Variants in HEPH observed in about 807,000 individuals in gnomAD.
HEPH encodes hephaestin.
In HEPH, 69 loss-of-function variants were observed where a neutral mutation model predicts 80.8. The ratio of observed to expected loss-of-function variants is 0.85; its 90% CI spans 0.70 to 1.04. The LOEUF is 1.04. HEPH is among the 50% of genes least tolerant of loss of function. The probability of loss-of-function intolerance (pLI) is 0.00; values close to 1 mark genes in which losing one functional copy is unlikely to be tolerated. For missense variants in HEPH, 1,115 were observed against 891.3 expected, an observed-to-expected ratio of 1.25 and a Z score of -3.20; for synonymous variants, 431 against 322.8, an observed-to-expected ratio of 1.34 and a Z score of -3.60.
chrX:66,163,367 T>G (rs1199346268), upstream of HEPH, among the ~76,000 whole-genome samples: 4 of 106,624 alleles, frequency 3.8e-5, no homozygotes, highest in East Asian at 2.9e-4. Flanking sequence ...GAACATTTTG[T>G]TTTTTTTTTC....
intron 15 of HEPH, among the ~76,000 whole-genome samples, chrX:66,215,132 T>G (rs972642480): frequency 9.8e-5 from 11 of 111,782 alleles, no homozygotes; most frequent in Non-Finnish European, 1.5e-4. Flanking sequence ...ACTTTATAGT[T>G]TTGTAAAAAT....
chrX:66,220,333 G>A (rs996149092), intron 15 of HEPH, among the ~76,000 whole-genome samples: 5 of 111,378 alleles, frequency 4.5e-5, no homozygotes, highest in Admixed American at 3.8e-4. Context: ...TGGCTCAGGA[G>A]CACGTTTATA....
At chrX:66,234,940 C>T (rs2090300413) in intron 15 of HEPH, among the ~76,000 whole-genome samples, 1 of 110,952 alleles carries the variant, frequency 9.0e-6, no homozygotes, top group African/African-American at 3.3e-5. Context: ...TGAACCACCA[C>T]ACCTGGCCAT....
intron 15 of HEPH, among the ~76,000 whole-genome samples, chrX:66,245,306 C>CA (rs755434687): frequency 3.6e-5 from 4 of 110,293 alleles, no homozygotes; most frequent in African/African-American, 9.9e-5. Context: ...AAATGGAAAA[C>CA]AAAAAAAGGC....
intron 4 of HEPH, among the ~76,000 whole-genome samples, chrX:66,187,999 G>A (rs1247737474): frequency 1.8e-5 from 2 of 111,552 alleles, no homozygotes; most frequent in Non-Finnish European, 3.8e-5. Context: ...GATTGAAAGT[G>A]TGGTCATCAG....
At chrX:66,251,422 A>G (rs1464720206) in intron 15 of HEPH, among the ~76,000 whole-genome samples, 1 of 112,002 alleles carries the variant, frequency 8.9e-6, no homozygotes, top group Non-Finnish European at 1.9e-5. Flanking sequence ...ATCTCATTGT[A>G]ATTTTGATTT....
Position 66,266,323 on chromosome X carries a change from G to A in HEPH, c.3245-117G>A, listed in dbSNP as rs976375722. 6.3e-5 allele frequency: 32 copies of A among 504,335 alleles called. No homozygotes were observed. In the African/African-American group the frequency reaches 7.5e-4, roughly 12 times the overall value. The allele number at this position is 504,335 out of a possible 1,213,427, so 41.6% of individuals were successfully genotyped here. On this transcript the variant is annotated intron_variant, in intron 20 of 20. Coordinates refer to ENST00000343002, the MANE Select transcript of HEPH (RefSeq NM_001367233.3). The stretch of plus-strand genomic sequence containing the variant: ...CATCAGCTAGTTTTGTGAAGGATAA[G>A]GACAGGCCTCCTGTCCTATTTGGAT...
rs2088843393 is a variant in HEPH, at chrX:66,207,284, TC to T, written c.2382del (p.Phe794LeufsTer29). The T allele has an allele frequency of 8.3e-7, 1 of 1,200,210 alleles. No individual in the cohort carries two copies. Among genetic ancestry groups the T allele is most frequent in the African/African-American group, 1.8e-5 (1 of 56,439 alleles). On this transcript the variant is annotated frameshift_variant, in exon 14 of 21. Transcript: ENST00000343002. LOFTEE classifies it high-confidence loss of function. ...TTCAGGGAATACACTGATGGTACAT[TC>T]AGGATCCCTCGGCCAAGGACTGGAC... ...AVFREYTDGT[F>X]RIPRPRTGPE... is the part of the protein sequence containing the mutation.
intron 15 of HEPH, among the ~76,000 whole-genome samples, chrX:66,227,860 C>G (rs1044194583): frequency 1.8e-5 from 2 of 110,973 alleles, no homozygotes; most frequent in African/African-American, 6.6e-5. Flanking sequence ...TTTTGCTTCA[C>G]CTTGCTTTGG....
rs182863340 is a variant in HEPH at position 66,244,286 on chromosome X, C to G, written c.2564-10749C>G. ...GTGTTTTTCAAGTTGTTTGCTCTCT[C>G]TCTTTTTCAGGGTTGTCAATGAGTC... On this transcript the variant is annotated intron_variant, in intron 15 of 20. Coordinates refer to ENST00000343002, the MANE Select transcript of HEPH (RefSeq NM_001367233.3). Among the ~76,000 whole-genome samples, 10 of 111,907 alleles carry G rather than the reference C, an allele frequency of 8.9e-5. No individual in the cohort carries two copies. The East Asian group carries it at 2.2e-3, about 25-fold the overall frequency.
chrX:66,244,760 A>T (rs1021728014), intron 15 of HEPH, among the ~76,000 whole-genome samples: 5 of 111,101 alleles, frequency 4.5e-5, no homozygotes, highest in Non-Finnish European at 9.4e-5. Flanking sequence ...TTGTGTGCTG[A>T]TTCTTTTTCA....
chrX:66,178,240 C>A (rs1475669951), intron 4 of HEPH, among the ~76,000 whole-genome samples: 4 of 111,647 alleles, frequency 3.6e-5, no homozygotes, highest in African/African-American at 1.3e-4. Context: ...TGATGGTTTC[C>A]AGCTTCATCT....
At chrX:66,230,916 C>A (rs1260390338) in intron 15 of HEPH, among the ~76,000 whole-genome samples, 2 of 101,409 alleles carry the variant, frequency 2.0e-5, no homozygotes, top group East Asian at 3.1e-4. Context: ...TTAGGTCTAA[C>A]GTTTAAATCT....
At chrX:66,204,301 C>A (rs930757603) in intron 13 of HEPH, among the ~76,000 whole-genome samples, 10 of 111,914 alleles carry the variant, frequency 8.9e-5, no homozygotes, top group African/African-American at 2.9e-4. Context: ...ATGTGCTCAG[C>A]TAAAAGTTAG....
At position 66,193,485 on chromosome X, in the gene HEPH, TC is replaced by T; in HGVS notation, c.1233-15del. ...TACCTAATGAAATAATATCATATTT[TC>T]CTTTTTATACATCAGTATCTCAGAT... On this transcript the variant is annotated splice_polypyrimidine_tract_variant and intron_variant, in intron 7 of 20. Transcript: ENST00000343002. 1 of 1,122,385 alleles carries T rather than the reference TC, an allele frequency of 8.9e-7. No individual in the cohort carries two copies. Among genetic ancestry groups the T allele is most frequent in the Non-Finnish European group, 1.2e-6 (1 of 830,273 alleles). The allele number at this position is 1,122,385 out of a possible 1,213,427, so 92.5% of individuals were successfully genotyped here. A position where few individuals can be genotyped will look rare whatever the true frequency, so the allele number is the denominator to read the frequency against.
In HEPH at chrX:66,208,225, T is replaced by C; in HGVS notation, c.2542T>C (p.Trp848Arg). The C allele has an allele frequency of 8.3e-7, 1 of 1,208,726 alleles. No individual in the cohort carries two copies. Among genetic ancestry groups the C allele is most frequent in the Non-Finnish European group, 1.1e-6 (1 of 893,896 alleles). ...AHGVLESTTV[W>R]PLAAEPGEVV... ...TGGAGTGCTAGAATCTACTACTGTC[T>C]GGCCACTGGCTGCTGAGCCTGGTGA... Residue 848 changes from tryptophan to arginine, a missense_variant, in exon 15 of 21, where the codon TGG (tryptophan) becomes CGG (arginine). Around this residue, in one of 3 missense-constraint regions of HEPH, gnomAD observed 716 missense variants for 523.5 expected, o/e 1.37. Transcript: ENST00000343002.
chrX:66,268,278 A>G (rs2091583244), downstream of HEPH: 1 of 112,191 alleles, frequency 8.9e-6, no homozygotes, highest in Non-Finnish European at 1.9e-5. Flanking sequence ...CTAGGTAGCA[A>G]TCTCTTGAAG....
chrX:66,203,453 GC>G lies in HEPH; in HGVS notation c.2169del (p.Thr724ProfsTer19). The G allele has an allele frequency of 2.5e-6, 3 of 1,210,296 alleles. No individual in the cohort carries two copies. Among genetic ancestry groups the G allele is most frequent in the Non-Finnish European group, 2.2e-6 (2 of 894,943 alleles). On this transcript the variant is annotated frameshift_variant, in exon 13 of 21. Transcript: ENST00000343002. LOFTEE classifies it high-confidence loss of function. The part of the protein sequence containing the change: ...YNVSQCPGHQ[A>X]TPRQRYQAAR... Reference sequence around the variant, plus strand: ...TGTCTCCCAGTGTCCTGGCCACCAAGCCACCCCTCGCCAACGCTACCAAGCT... The same window carrying G: ...TGTCTCCCAGTGTCCTGGCCACCAAGCACCCCTCGCCAACGCTACCAAGCT...
In HEPH at chrX:66,203,453, G is replaced by A; in HGVS notation, c.2167G>A (p.Ala723Thr). 8.3e-7 allele frequency: 1 copy of A among 1,210,296 alleles called. No homozygotes were observed. Among genetic ancestry groups the A allele is most frequent in the Non-Finnish European group, 1.1e-6 (1 of 894,943 alleles). The part of the protein sequence containing the change: ...YNVSQCPGHQ[A>T]TPRQRYQAAR... Reference sequence around the variant, plus strand: ...TGTCTCCCAGTGTCCTGGCCACCAAGCCACCCCTCGCCAACGCTACCAAGC... The same window carrying A: ...TGTCTCCCAGTGTCCTGGCCACCAAACCACCCCTCGCCAACGCTACCAAGC... Residue 723 changes from alanine to threonine, a missense_variant, in exon 13 of 21, where the codon GCC (alanine) becomes ACC (threonine). This residue lies in a region of HEPH where 716 missense variants were observed against 523.5 expected (regional missense o/e 1.37). Coordinates refer to ENST00000343002, the MANE Select transcript of HEPH (RefSeq NM_001367233.3).
Sources: gnomAD v4.1 joint callset for allele counts (sites outside exome capture counted in the v4.1 genomes callset) on GRCh38, gnomAD v4.1.1 for gene constraint, gnomAD v4.1.1 regional missense constraint, MANE v1.5 for transcripts, NCBI Gene and HGNC (gene_info 2026-07-23, HGNC 2026-07-21) for gene names.